The following APOO variants were observed in gnomAD, a reference collection of about 807,000 sequenced individuals.
APOO encodes the protein apolipoprotein O.
APOO carries 11 observed loss-of-function variants against 23.1 expected under a neutral mutation model. The ratio of observed to expected loss-of-function variants is 0.48; its 90% CI spans 0.30 to 0.79. The LOEUF is 0.79. Among genes scored for constraint, APOO ranks in the 30% least tolerant of loss-of-function variants. The pLI, the probability that APOO is intolerant of heterozygous loss-of-function variation, is 0.07. For synonymous variants in APOO, 59 were observed against 54.8 expected (o/e 1.08, Z -0.34); for missense variants, 160 against 142.7 (o/e 1.12, Z -0.62).
chrX:23,865,432 C>T (rs1354693946), intron 5 of APOO, among the ~76,000 whole-genome samples: 12 of 109,884 alleles, frequency 1.1e-4, no homozygotes, highest in Admixed American at 8.8e-4. Context: ...GGTGAAACCT[C>T]GTGTCTACTA....
At position 23,880,876 on chromosome X, in the gene APOO, G is replaced by A. The variant is rs1926088426; in HGVS notation, c.86C>T (p.Ser29Leu). The A allele has an allele frequency of 1.7e-6, 2 of 1,186,536 alleles. No individual in the cohort carries two copies. Among genetic ancestry groups the A allele is most frequent in the Non-Finnish European group, 1.1e-6 (1 of 885,281 alleles). The change falls in exon 2 of 9, where the codon TCA (serine) becomes TTA (leucine). Residue 29 changes from serine (S) to leucine (L), a missense_variant. By Grantham distance (145) the Ser-to-Leu change is moderately radical. Coordinates refer to ENST00000379226, the MANE Select transcript of APOO (RefSeq NM_024122.5). ...FKVYAAPKKD[S>L]PPKNSVKVDE... is the part of the protein sequence containing the mutation. ...AACCTTCACGGAATTTTTGGGAGGT[G>A]AGTCCTTTTTTGGTGCTGCATAGAC... is the stretch of plus-strand genomic sequence containing the variant.
At chrX:23,889,913 G>A (rs990350124) in intron 1 of APOO, among the ~76,000 whole-genome samples, 39 of 109,835 alleles carry the variant, frequency 3.6e-4, no homozygotes, top group African/African-American at 1.1e-3. Flanking sequence ...CGCCCACCTC[G>A]GCCTCCCAAA....
At chrX:23,866,673 C>T (rs1211659265) in intron 5 of APOO, among the ~76,000 whole-genome samples, 1 of 110,991 alleles carries the variant, frequency 9.0e-6, no homozygotes, top group Non-Finnish European at 1.9e-5. Context: ...CCTGTAATCC[C>T]AGCTACTTGA....
chrX:23,900,251 T>C (rs1927067582), intron 1 of APOO, among the ~76,000 whole-genome samples: 1 of 112,280 alleles, frequency 8.9e-6, no homozygotes, highest in Admixed American at 9.5e-5. Context: ...CTTACATTGA[T>C]ATAGTGCTTT....
At chrX:23,898,735 A>G (rs1217159036) in intron 1 of APOO, among the ~76,000 whole-genome samples, 4 of 111,792 alleles carry the variant, frequency 3.6e-5, no homozygotes, top group Non-Finnish European at 7.5e-5. Flanking sequence ...TAAACCATCA[A>G]CAGACAATGT....
intron 1 of APOO, among the ~76,000 whole-genome samples, chrX:23,902,146 TG>T (rs1927154174): frequency 8.9e-6 from 1 of 111,875 alleles, no homozygotes; most frequent in African/African-American, 3.3e-5. Context: ...GGTTCTAGAC[TG>T]GGCATCGGGA....
chrX:23,848,636 A>G (rs1162383702), intron 7 of APOO, among the ~76,000 whole-genome samples: 1 of 110,767 alleles, frequency 9.0e-6, no homozygotes, highest in Non-Finnish European at 1.9e-5. Flanking sequence ...AAAATATTTC[A>G]GCTAATTTGA....
chrX:23,837,964 T>TATCTATCTATC (rs1250522983), intron 8 of APOO, among the ~76,000 whole-genome samples: 5 of 94,240 alleles, frequency 5.3e-5, no homozygotes, highest in Non-Finnish European at 1.0e-4. Context: ...CCGGCCTATC[T>TATCTATCTATC]ATCTATCTAT....
chrX:23,900,280 C>A (rs752571357), intron 1 of APOO, among the ~76,000 whole-genome samples: 6 of 111,715 alleles, frequency 5.4e-5, no homozygotes, highest in African/African-American at 2.0e-4. Context: ...CGGTTCTTTT[C>A]GCATATTATC....
chrX:23,870,790 C>A (rs1346554166), intron 4 of APOO, among the ~76,000 whole-genome samples: 1 of 104,033 alleles, frequency 9.6e-6, no homozygotes, highest in African/African-American at 3.6e-5. Context: ...GACCCTGTCT[C>A]CAAACAAAAA....
At chrX:23,875,972 A>T (rs1205084878) in intron 3 of APOO, among the ~76,000 whole-genome samples, 1 of 110,210 alleles carries the variant, frequency 9.1e-6, no homozygotes, top group Non-Finnish European at 1.9e-5. Context: ...ACAAAAAAAT[A>T]AAAATATTAG....
intron 1 of APOO, among the ~76,000 whole-genome samples, chrX:23,891,892 T>C (rs1457962347): frequency 9.2e-6 from 1 of 108,597 alleles, no homozygotes; most frequent in Non-Finnish European, 1.9e-5. Flanking sequence ...ATAGTTTATA[T>C]AGTTTAAGTA....
intron 7 of APOO, among the ~76,000 whole-genome samples, chrX:23,842,649 G>C (rs769736392): frequency 2.7e-5 from 3 of 111,433 alleles, no homozygotes; most frequent in Non-Finnish European, 5.7e-5. Context: ...AACAAGAAGA[G>C]AGAAAAAAAG....
At chrX:23,858,918 T>C (rs867358907) in intron 5 of APOO, among the ~76,000 whole-genome samples, 185 bp from the exon 6 acceptor site, 3 of 111,408 alleles carry the variant, frequency 2.7e-5, no homozygotes, top group South Asian at 3.7e-4. Flanking sequence ...CTGGGCAACA[T>C]AGTCAGATCC....
intron 1 of APOO, among the ~76,000 whole-genome samples, chrX:23,903,700 T>C (rs1927230739): frequency 8.9e-6 from 1 of 111,911 alleles, no homozygotes; most frequent in African/African-American, 3.2e-5. Context: ...ACAACCCCAT[T>C]TTCAGTTATA....
chrX:23,838,374 A>AAAAG (rs1187023207), intron 8 of APOO, among the ~76,000 whole-genome samples: 3 of 88,023 alleles, frequency 3.4e-5, no homozygotes, highest in Non-Finnish European at 6.2e-5. Context: ...AAAAAAAAAA[A>AAAAG]AAAGAAAGAA....
intron 7 of APOO, among the ~76,000 whole-genome samples, chrX:23,855,396 C>T (rs951399716): frequency 5.4e-5 from 6 of 111,175 alleles, no homozygotes; most frequent in Non-Finnish European, 9.4e-5. Flanking sequence ...CTGTTACTTC[C>T]AAATCCCAGT....
chrX:23,877,154 AAAAC>A (rs1925895215), intron 3 of APOO, among the ~76,000 whole-genome samples: 1 of 112,132 alleles, frequency 8.9e-6, no homozygotes, highest in Non-Finnish European at 1.9e-5. Flanking sequence ...ACAAACAAAA[AAAAC>A]AGACAGACTA....
intron 1 of APOO, among the ~76,000 whole-genome samples, chrX:23,897,942 C>G (rs1308567597): frequency 9.8e-6 from 1 of 101,808 alleles, no homozygotes; most frequent in Non-Finnish European, 2.0e-5. Flanking sequence ...TTGCAGTGAG[C>G]TAAGATTGTG....
Sources: allele counts gnomAD v4.1 joint callset (sites outside exome capture counted in the v4.1 genomes callset), GRCh38; gene constraint gnomAD v4.1.1; transcripts MANE v1.5; gene names NCBI Gene and HGNC (gene_info 2026-07-23, HGNC 2026-07-21).